LANCL2: variants seen among roughly 807,000 people sequenced by gnomAD.
LANCL2 encodes the protein lanC-like protein 2.
In LANCL2, 33 loss-of-function variants were observed where a neutral mutation model predicts 56.9. The observed-to-expected ratio is 0.58, with a 90% CI of 0.44 to 0.78. The LOEUF (loss-of-function observed/expected upper bound fraction) is 0.78, where lower values mean the gene tolerates loss of function less well. LANCL2 is among the 30% of genes least tolerant of loss of function. The pLI is 0.00. For synonymous variants in LANCL2, 233 were observed against 228.2 expected (o/e 1.02, Z -0.19); for missense variants, 562 against 580.2 (o/e 0.97, Z 0.32).
At chr7:55,425,566 C>T in intron 7 of LANCL2, 136 bp downstream of exon 7, 1 of 776,438 alleles carries the variant, frequency 1.3e-6, no homozygotes, top group South Asian at 1.8e-5. Context: ...TCTTCTGGCA[C>T]AGCCTTATCT....
At chr7:55,402,798 C>G (rs567695946) in intron 5 of LANCL2, among the ~76,000 whole-genome samples, 2,665 of 126,470 alleles carry the variant, frequency 0.021, 376 homozygotes, top group Non-Finnish European at 0.03. Context: ...CCTCACTTCT[C>G]AGACGGGGCG....
At chr7:55,373,404 C>T (rs1789967448) in intron 1 of LANCL2, among the ~76,000 whole-genome samples, 1 of 152,058 alleles carries the variant, frequency 6.6e-6, no homozygotes, top group Admixed American at 6.6e-5. Context: ...GATCCTCCCA[C>T]CTCAGCCTCC....
chr7:55,432,254 TG>T lies in LANCL2; in HGVS notation c.*935del, dbSNP rs1329400661. ...ACAGAAAGACACTCAACTGGACTCA[TG>T]TCCCTGCAATTAAACTTACTTCAAC... On this transcript the variant is annotated 3_prime_UTR_variant, in exon 9 of 9. Transcript: ENST00000254770. The T allele has an allele frequency of 6.6e-6, 1 of 152,242 alleles. No individual in the cohort carries two copies. Among genetic ancestry groups the T allele is most frequent in the Non-Finnish European group, 1.5e-5 (1 of 68,042 alleles). The allele number at this position is 152,242 out of a possible 1,614,324, so 9.4% of individuals were successfully genotyped here. A position where few individuals can be genotyped will look rare whatever the true frequency, so the allele number is the denominator to read the frequency against.
At chr7:55,419,345 CT>C (rs888166259) in intron 6 of LANCL2, among the ~76,000 whole-genome samples, 48 of 123,644 alleles carry the variant, frequency 3.9e-4, no homozygotes, top group Non-Finnish European at 6.6e-4. Flanking sequence ...ATTCATACCT[CT>C]TTTTTTTAAT....
intron 6 of LANCL2, among the ~76,000 whole-genome samples, chr7:55,422,776 T>TG (rs1328120817): frequency 2.0e-5 from 3 of 152,260 alleles, no homozygotes; most frequent in Non-Finnish European, 4.4e-5. Flanking sequence ...TTCTGTCTTA[T>TG]TCTCCCTTTC....
intron 1 of LANCL2, 27 bp downstream of exon 1, chr7:55,366,256 C>T (rs1369828869): frequency 2.8e-6 from 4 of 1,449,398 alleles, no homozygotes; most frequent in South Asian, 1.3e-5. Flanking sequence ...GCCGCAGAGG[C>T]GCCGGAGGGG....
chr7:55,418,576 CATATTGT>C (rs796662730), intron 6 of LANCL2, among the ~76,000 whole-genome samples: 41 of 152,302 alleles, frequency 2.7e-4, no homozygotes, highest in African/African-American at 9.4e-4. Flanking sequence ...TCTGTGTACA[CATATTGT>C]ATCTGTGAGT....
intron 1 of LANCL2, among the ~76,000 whole-genome samples, chr7:55,369,448 G>A (rs572718540): frequency 6.1e-4 from 93 of 152,174 alleles, no homozygotes; most frequent in Admixed American, 1.0e-3. Flanking sequence ...CACTCAAGTC[G>A]GCTTCTCTGG....
chr7:55,428,088 G>A (rs1002126285), intron 7 of LANCL2: 4 of 455,942 alleles, frequency 8.8e-6, no homozygotes, highest in South Asian at 3.7e-5. Context: ...GAAGCGGCAG[G>A]AGGAAGGTGC....
chr7:55,388,330 G>C (rs1790148170), intron 1 of LANCL2, among the ~76,000 whole-genome samples: 1 of 152,236 alleles, frequency 6.6e-6, no homozygotes, highest in South Asian at 2.1e-4. Flanking sequence ...TGGATCACTT[G>C]AGGCCATGAG....
intron 8 of LANCL2, among the ~76,000 whole-genome samples, chr7:55,429,314 T>C (rs1184645890): frequency 6.6e-6 from 1 of 152,222 alleles, no homozygotes; most frequent in Non-Finnish European, 1.5e-5. Context: ...TGGAGATTTA[T>C]TTTTCTAGAC....
rs537302160 is a variant in LANCL2, at chr7:55,380,167, C to T, written c.205-11626C>T. 1.4e-3 allele frequency among the ~76,000 whole-genome samples: 208 copies of T among 152,262 alleles called. 1 individual carries two copies. Among genetic ancestry groups the T allele is most frequent in the South Asian group, 7.7e-3 (37 of 4,828 alleles). On this transcript the variant is annotated intron_variant, in intron 1 of 8. Transcript: ENST00000254770. ...CATTGTCTTGCCTACCTATTTTAGT[C>T]TTGGGCAACTAATAAATATAATGTC...
At chr7:55,420,145 A>G (rs1367109085) in intron 6 of LANCL2, among the ~76,000 whole-genome samples, 2 of 152,220 alleles carry the variant, frequency 1.3e-5, no homozygotes, top group African/African-American at 4.8e-5. Flanking sequence ...TAACTTTTTA[A>G]AGTGGAATCT....
At chr7:55,399,834 TA>T in intron 3 of LANCL2, 122 bp from the exon 4 acceptor site, 1 of 758,898 alleles carries the variant, frequency 1.3e-6, no homozygotes, top group Non-Finnish European at 2.0e-6. Flanking sequence ...GGAGTATTTT[TA>T]AAAATAATTG....
At chr7:55,395,633 TAAAG>T (rs1045276110) in intron 2 of LANCL2, among the ~76,000 whole-genome samples, 32 of 152,112 alleles carry the variant, frequency 2.1e-4, no homozygotes, top group Non-Finnish European at 1.5e-4. Context: ...GAAAGAAAGA[TAAAG>T]AGAGACTTCA....
At chr7:55,405,532 C>A (rs1180821661) in intron 5 of LANCL2, among the ~76,000 whole-genome samples, 3 of 149,300 alleles carry the variant, frequency 2.0e-5, no homozygotes, top group Non-Finnish European at 4.4e-5. Context: ...TCACTTTTGC[C>A]CAAGCTAGAG....
intron 6 of LANCL2, among the ~76,000 whole-genome samples, chr7:55,420,227 A>G (rs1246515516): frequency 6.6e-6 from 1 of 152,078 alleles, no homozygotes; most frequent in Non-Finnish European, 1.5e-5. Context: ...GCACTATTTT[A>G]GCTCTGTTCC....
At chr7:55,402,147 C>T (rs62457869) in intron 5 of LANCL2, among the ~76,000 whole-genome samples, 8 of 138,992 alleles carry the variant, frequency 5.8e-5, no homozygotes, top group African/African-American at 1.1e-4. Flanking sequence ...ACCTCCCGGA[C>T]GGGGCGGCTG....
intron 2 of LANCL2, among the ~76,000 whole-genome samples, chr7:55,392,322 CT>C (rs1243055276): frequency 1.3e-4 from 18 of 142,322 alleles, no homozygotes; most frequent in East Asian, 4.0e-4. Flanking sequence ...GATTTTATAT[CT>C]TTTTTTTTTC....
Sources: gnomAD v4.1 joint callset for allele counts (sites outside exome capture counted in the v4.1 genomes callset) on GRCh38, gnomAD v4.1.1 for gene constraint, MANE v1.5 for transcripts, NCBI Gene and HGNC (gene_info 2026-07-23, HGNC 2026-07-21) for gene names.